The following PCDHA6 variants were observed in gnomAD, a reference collection of about 807,000 sequenced individuals.
PCDHA6 encodes protocadherin alpha 6.
A neutral mutation model predicts 60.3 loss-of-function variants in PCDHA6; 55 were observed. That is an observed-to-expected ratio of 0.91 (90% CI 0.73 to 1.14). The LOEUF is 1.14. Among genes scored for constraint, PCDHA6 ranks in the 50% most tolerant of loss-of-function variants. The probability of loss-of-function intolerance (pLI) is 0.00; values close to 1 mark genes in which losing one functional copy is unlikely to be tolerated. For missense variants in PCDHA6, 1,327 were observed against 1,256.5 expected (o/e 1.06, Z -0.85); for synonymous variants, 652 against 557.9 (o/e 1.17, Z -2.38).
At chr5:140,843,104 C>G (rs1327692669) in intron 1 of PCDHA6, 6 of 1,595,598 alleles carry the variant, frequency 3.8e-6, no homozygotes, top group Non-Finnish European at 4.3e-6. Context: ...AGCGAAGGTG[C>G]GCGCAGTGGA....
intron 1 of PCDHA6, chr5:140,836,420 G>C (rs2150260462): frequency 6.2e-7 from 1 of 1,613,810 alleles, no homozygotes; most frequent in Non-Finnish European, 8.5e-7. Context: ...CAAAGGCGTC[G>C]TCGCGGGCAT....
Position 141,011,060 on chromosome 5 carries a change from A to G in PCDHA6, c.*1123A>G, listed in dbSNP as rs1588257572. On this transcript the variant is annotated 3_prime_UTR_variant, in exon 4 of 4. Coordinates refer to ENST00000529310, the MANE Select transcript of PCDHA6 (RefSeq NM_018909.4). ...AGGTCACTCTGGGGCTGCCTCTTGC[A>G]TGTATTACTAAATAAAATGATCTCT... is the stretch of plus-strand genomic sequence containing the variant. 1.3e-5 allele frequency: 2 copies of G among 153,758 alleles called. No individual in the cohort carries two copies. Among genetic ancestry groups the G allele is most frequent in the Non-Finnish European group, 2.9e-5 (2 of 68,046 alleles). The allele number at this position is 153,758 out of a possible 1,614,324, so 9.5% of individuals were successfully genotyped here. A position where few individuals can be genotyped will look rare whatever the true frequency, so the allele number is the denominator to read the frequency against.
rs2150253454 is a variant in PCDHA6 at position 140,836,128 on chromosome 5, C to G, written c.2394+5643C>G. ...GGTGGCGCAGTGAGAGAGCTTGTGC[C>G]GCGGTCTGTGGGCGCGGGCCATGTG... On this transcript the variant is annotated intron_variant, in intron 1 of 3. Transcript: ENST00000529310. 13 of 1,613,624 alleles carry G rather than the reference C, an allele frequency of 8.1e-6. 2 individuals are homozygous for G. Among genetic ancestry groups the G allele is most frequent in the African/African-American group, 4.0e-5 (3 of 74,864 alleles).
chr5:140,863,212 C>A, intron 1 of PCDHA6: 1 of 1,051,288 alleles, frequency 9.5e-7, no homozygotes, highest in Non-Finnish European at 1.4e-6. Flanking sequence ...GGAGAGCAGC[C>A]AAGCGAGGAA....
At chr5:140,899,269 A>C (rs1301807291) in intron 1 of PCDHA6, among the ~76,000 whole-genome samples, 2 of 152,260 alleles carry the variant, frequency 1.3e-5, no homozygotes, top group East Asian at 3.9e-4. Context: ...GTCTTGTGGC[A>C]GTTTTCAAAG....
At chr5:140,853,895 TG>T in intron 1 of PCDHA6, 1 of 971,706 alleles carries the variant, frequency 1.0e-6, no homozygotes, top group Non-Finnish European at 1.2e-6. Flanking sequence ...TAAAAAGATG[TG>T]GTGGCCTGAC....
In PCDHA6 at chr5:141,009,849, C is replaced by G; in HGVS notation, c.2765C>G (p.Thr922Ser). The change falls in exon 4 of 4, where the codon ACC (threonine) becomes AGC (serine). Residue 922 changes from threonine (T) to serine (S), a missense_variant. Physicochemically the swap from Thr to Ser is moderately conservative, Grantham distance 58. Coordinates refer to ENST00000529310, the MANE Select transcript of PCDHA6 (RefSeq NM_018909.4). ...ATAACCTTCGGCAAAAAGGAGGAGA[C>G]CAAGAAAAAGAAGAAAAAGAAGAAG... ...DFITFGKKEE[T>S]KKKKKKKKGN... 1 of 1,613,364 alleles carries G rather than the reference C, an allele frequency of 6.2e-7. No homozygotes were observed. The highest frequency in any genetic ancestry group is 8.5e-7 in the Non-Finnish European group (1 of 1,179,856).
chr5:140,847,462 G>A (rs2150400776), intron 1 of PCDHA6: 2 of 149,808 alleles, frequency 1.3e-5, no homozygotes, highest in African/African-American at 2.4e-5. Context: ...TTAATTAATC[G>A]ACTTGGACGT....
In PCDHA6 at chr5:140,829,600, G is replaced by C. The variant is rs782636374; in HGVS notation, c.1509G>C (p.Ala503=). The change falls in exon 1 of 4, where the codon GCG becomes GCC. Residue 503 remains alanine, a synonymous_variant. Coordinates refer to ENST00000529310, the MANE Select transcript of PCDHA6 (RefSeq NM_018909.4). The stretch of plus-strand genomic sequence containing the variant: ...TGGAGCGGCGGGTGGGCGAGCGCGC[G>C]TTGTCGAGCTACATTTCGGTGCACG... ...SLVERRVGER[A]LSSYISVHAE... is the part of the protein sequence containing the mutation. 1 of 1,612,044 alleles carries C rather than the reference G, an allele frequency of 6.2e-7. No homozygotes were observed. Among genetic ancestry groups the C allele is most frequent in the Non-Finnish European group, 8.5e-7 (1 of 1,179,778 alleles).
At chr5:140,834,699 C>T (rs2150224551) in intron 1 of PCDHA6, 1 of 1,614,262 alleles carries the variant, frequency 6.2e-7, no homozygotes. Flanking sequence ...CAGCATCCAC[C>T]TGGAGGTGAT....
At chr5:140,986,077 A>G (rs1335070462) in intron 3 of PCDHA6, among the ~76,000 whole-genome samples, 2 of 152,094 alleles carry the variant, frequency 1.3e-5, no homozygotes, top group Non-Finnish European at 2.9e-5. Flanking sequence ...GAAACTGTTC[A>G]TTTATTTTCA....
chr5:140,864,625 G>GAAAAC (rs1229518182), intron 1 of PCDHA6: 2 of 152,052 alleles, frequency 1.3e-5, no homozygotes, highest in Non-Finnish European at 2.9e-5. Flanking sequence ...TTTTTAAAAA[G>GAAAAC]AAAACAAAAC....
Position 140,856,345 on chromosome 5 carries a change from G to C in PCDHA6, c.2394+25860G>C, listed in dbSNP as rs1347690443. The C allele has an allele frequency of 8.8e-6, 14 of 1,598,640 alleles. 1 individual carries two copies. The highest frequency in any genetic ancestry group is 1.2e-5 in the Non-Finnish European group (14 of 1,168,012). ...GCGAGGAGCTGTGCGGGCGGAGCGT[G>C]GAGTGCAGCATCCACCTGGAGGTGA... is the stretch of plus-strand genomic sequence containing the variant. On this transcript the variant is annotated intron_variant, in intron 1 of 3. Transcript: ENST00000529310.
chr5:140,928,216 A>T, intron 1 of PCDHA6: 1 of 1,614,188 alleles, frequency 6.2e-7, no homozygotes, highest in Non-Finnish European at 8.5e-7. Context: ...GAATGACAAT[A>T]CACCAAACTT....
At chr5:140,911,088 C>T (rs1447899502) in intron 1 of PCDHA6, among the ~76,000 whole-genome samples, 3 of 152,092 alleles carry the variant, frequency 2.0e-5, no homozygotes, top group African/African-American at 7.2e-5. Flanking sequence ...ATTATCTTGC[C>T]TGGCAACTGC....
intron 1 of PCDHA6, chr5:140,834,491 C>T (rs2150219703): frequency 1.2e-6 from 2 of 1,614,110 alleles, no homozygotes; most frequent in South Asian, 1.1e-5. Context: ...ACTCGGTCCC[C>T]GAGGAGGCTA....
intron 3 of PCDHA6, among the ~76,000 whole-genome samples, chr5:140,992,017 CTG>C (rs10602499): frequency 0.14 from 19,772 of 145,244 alleles, 1,405 homozygotes; most frequent in African/African-American, 0.18. Flanking sequence ...AGAGGTGGCT[CTG>C]TGTGTGTGTG....
intron 1 of PCDHA6, among the ~76,000 whole-genome samples, chr5:140,941,231 C>CTTTCTTTCTTTCTT (rs1563186950): frequency 5.1e-5 from 7 of 136,876 alleles, no homozygotes; most frequent in East Asian, 2.1e-4. Context: ...TTCTTTCTTT[C>CTTTCTTTCTTTCTT]TTTCTTTCTT....
Position 140,869,241 on chromosome 5 carries a change from C to T in PCDHA6, c.2394+38756C>T, listed in dbSNP as rs782686549. 1.9e-6 allele frequency: 3 copies of T among 1,613,628 alleles called. No homozygotes were observed. In the South Asian group the frequency reaches 3.3e-5, roughly 18 times the overall value. ...AGGCCAAACACGGCACCTTCGTGGGCCGCATCGCGCAGGACCTGGGGCTGG... is the reference window on the plus strand; with the variant it reads ...AGGCCAAACACGGCACCTTCGTGGGTCGCATCGCGCAGGACCTGGGGCTGG... On this transcript the variant is annotated intron_variant, in intron 1 of 3. Transcript: ENST00000529310.
Sources: allele counts gnomAD v4.1 joint callset (sites outside exome capture counted in the v4.1 genomes callset), GRCh38; gene constraint gnomAD v4.1.1; transcripts MANE v1.5; gene names NCBI Gene and HGNC (gene_info 2026-07-23, HGNC 2026-07-21).